GABRG3: variants seen among roughly 807,000 people sequenced by gnomAD.
The protein encoded by GABRG3 is gamma-aminobutyric acid receptor subunit gamma-3.
Under a neutral mutation model 48.8 loss-of-function variants are expected in GABRG3, and 25 were observed. That is an observed-to-expected ratio of 0.51 (90% CI 0.37 to 0.72). The LOEUF (loss-of-function observed/expected upper bound fraction) is 0.72. Ranked by LOEUF, GABRG3 falls within the 30% of genes least tolerant of loss-of-function variation. GABRG3 has a pLI of 0.00. For synonymous variants in GABRG3, 227 were observed against 217.6 expected, an observed-to-expected ratio of 1.04 and a Z score of -0.38; for missense variants, 394 against 577.9, an observed-to-expected ratio of 0.68 and a Z score of 3.26.
intron 5 of GABRG3, among the ~76,000 whole-genome samples, chr15:27,470,452 C>T (rs1331850827): frequency 2.6e-5 from 4 of 151,672 alleles, no homozygotes; most frequent in African/African-American, 4.8e-5. Context: ...ATGCTGGTCT[C>T]GAACTCCTGA....
At chr15:27,287,807 C>T (rs967062425) in intron 3 of GABRG3, among the ~76,000 whole-genome samples, 3 of 146,244 alleles carry the variant, frequency 2.1e-5, no homozygotes, top group Admixed American at 6.9e-5. Context: ...GGCGCGATCT[C>T]GGCTCACTGC....
chr15:27,090,106 G>C (rs760329213), intron 3 of GABRG3, among the ~76,000 whole-genome samples: 1 of 152,194 alleles, frequency 6.6e-6, no homozygotes, highest in Non-Finnish European at 1.5e-5. Context: ...AATGGAGTGA[G>C]AGCACTACAC....
chr15:27,343,516 A>G (rs1391911617), intron 5 of GABRG3, among the ~76,000 whole-genome samples: 1 of 152,208 alleles, frequency 6.6e-6, no homozygotes, highest in Non-Finnish European at 1.5e-5. Context: ...GTTAGGGAGC[A>G]TGTCTCCTGT....
intron 3 of GABRG3, among the ~76,000 whole-genome samples, chr15:27,099,441 T>G (rs1203886607): frequency 6.6e-6 from 1 of 152,196 alleles, no homozygotes; most frequent in Non-Finnish European, 1.5e-5. Context: ...TTCCCCTGTT[T>G]GTTTGTGCCT....
At chr15:27,330,101 C>T (rs1214393130) in intron 5 of GABRG3, among the ~76,000 whole-genome samples, 1 of 151,966 alleles carries the variant, frequency 6.6e-6, no homozygotes, top group Non-Finnish European at 1.5e-5. Context: ...ATTAGCTGAG[C>T]GTGGTGGCAG....
chr15:27,195,476 C>CA (rs36096035), intron 3 of GABRG3, among the ~76,000 whole-genome samples: 7,807 of 147,036 alleles, frequency 0.053, 312 homozygotes, highest in East Asian at 0.17. Flanking sequence ...GGACTACAGG[C>CA]ATGCACCACC....
chr15:27,320,679 G>C (rs1245257010), intron 3 of GABRG3, among the ~76,000 whole-genome samples: 2 of 152,146 alleles, frequency 1.3e-5, no homozygotes, highest in African/African-American at 4.8e-5. Context: ...TGATCAAAGA[G>C]TTTGCAGCCA....
chr15:27,025,113 G>T (rs977000861), intron 2 of GABRG3, among the ~76,000 whole-genome samples: 1 of 150,070 alleles, frequency 6.7e-6, no homozygotes, highest in Admixed American at 6.7e-5. Flanking sequence ...CACACTTATT[G>T]CAAACTCTTA....
intron 3 of GABRG3, among the ~76,000 whole-genome samples, chr15:27,188,854 G>A (rs1397572073): frequency 6.6e-6 from 1 of 151,454 alleles, no homozygotes; most frequent in East Asian, 1.9e-4. Flanking sequence ...GGTTTTTATG[G>A]TTTTAGGTCT....
chr15:27,525,957 T>TAAATA (rs3058116), intron 7 of GABRG3, among the ~76,000 whole-genome samples: 95,575 of 151,352 alleles, frequency 0.63, 31,554 homozygotes, highest in African/African-American at 0.83. Context: ...CTTAAAAAAG[T>TAAATA]AAATAAAATA....
intron 5 of GABRG3, among the ~76,000 whole-genome samples, chr15:27,394,750 T>C (rs77585729): frequency 0.016 from 2,405 of 152,302 alleles, 69 homozygotes; most frequent in African/African-American, 0.055. Context: ...ATCTTTTTCT[T>C]ATGACAGTGT....
chr15:27,320,633 A>C (rs1893390506), intron 3 of GABRG3, among the ~76,000 whole-genome samples: 1 of 152,170 alleles, frequency 6.6e-6, no homozygotes, highest in Non-Finnish European at 1.5e-5. Flanking sequence ...TTGCTCCTAA[A>C]AAATAATGTT....
At chr15:27,209,480 C>T (rs1888999724) in intron 3 of GABRG3, among the ~76,000 whole-genome samples, 1 of 151,936 alleles carries the variant, frequency 6.6e-6, no homozygotes, top group Non-Finnish European at 1.5e-5. Context: ...TGCTTCTTAA[C>T]AGTTTTGGTC....
At chr15:27,318,313 A>G (rs1301895323) in intron 3 of GABRG3, among the ~76,000 whole-genome samples, 4 of 152,180 alleles carry the variant, frequency 2.6e-5, no homozygotes, top group Non-Finnish European at 5.9e-5. Context: ...GGCCTTGTGT[A>G]AAACTATGTC....
At chr15:27,360,657 C>T (rs1300219282) in intron 5 of GABRG3, among the ~76,000 whole-genome samples, 6 of 152,186 alleles carry the variant, frequency 3.9e-5, no homozygotes, top group African/African-American at 1.2e-4. Context: ...GGGTTGGACA[C>T]TCCCCTTCCA....
chr15:27,017,326 G>T (rs550696554), intron 2 of GABRG3, among the ~76,000 whole-genome samples: 55 of 152,114 alleles, frequency 3.6e-4, no homozygotes, highest in Non-Finnish European at 6.9e-4. Flanking sequence ...GTTAATAATG[G>T]GTGTGTTGCT....
At chr15:27,416,483 A>G (rs1226300306) in intron 5 of GABRG3, among the ~76,000 whole-genome samples, 1 of 152,172 alleles carries the variant, frequency 6.6e-6, no homozygotes, top group Non-Finnish European at 1.5e-5. Flanking sequence ...GCTGTGGCAT[A>G]TTTCAAAATG....
chr15:27,515,640 G>A (rs77260273), intron 6 of GABRG3, among the ~76,000 whole-genome samples: 3,178 of 152,226 alleles, frequency 0.021, 71 homozygotes, highest in East Asian at 0.099. Context: ...AAAGAGAGGA[G>A]ATGGAGGGAA....
At chr15:27,021,461 G>T (rs919537532) in intron 2 of GABRG3, among the ~76,000 whole-genome samples, 2 of 152,262 alleles carry the variant, frequency 1.3e-5, no homozygotes, top group East Asian at 3.9e-4. Context: ...ACAAGGTAGG[G>T]ATTCAGAGAA....
Sources: gnomAD v4.1 joint callset for allele counts (sites outside exome capture counted in the v4.1 genomes callset) on GRCh38, gnomAD v4.1.1 for gene constraint, MANE v1.5 for transcripts, NCBI Gene and HGNC (gene_info 2026-07-23, HGNC 2026-07-21) for gene names.